The following DHDH variants were observed in gnomAD, a reference collection of about 807,000 sequenced individuals.
The protein encoded by DHDH is dihydrodiol dehydrogenase.
Under a neutral mutation model 33.2 loss-of-function variants are expected in DHDH, and 29 were observed. That is an observed-to-expected ratio of 0.87 (90% confidence interval 0.65 to 1.19). The LOEUF is 1.19. Ranked by LOEUF, DHDH falls within the 50% of genes most tolerant of loss-of-function variation. DHDH has a pLI of 0.00. For missense variants in DHDH, 431 were observed against 455.0 expected, an observed-to-expected ratio of 0.95 and a Z score of 0.48; for synonymous variants, 201 against 187.9, an observed-to-expected ratio of 1.07 and a Z score of -0.57.
At chr19:48,933,639 C>A (rs897130309), upstream of DHDH, 3 of 1,369,846 alleles carry the variant, frequency 2.2e-6, no homozygotes, top group Non-Finnish European at 3.1e-6. Flanking sequence ...AGGATGGGGA[C>A]CCGCCCCCGG....
At chr19:48,944,734 A>C in intron 6 of DHDH, 90 bp from the exon 7 acceptor site, 1 of 1,296,970 alleles carries the variant, frequency 7.7e-7, no homozygotes, top group Non-Finnish European at 1.1e-6. Flanking sequence ...TGAACCATGT[A>C]TATTGTGCCA....
rs138472311 is a variant in DHDH, at chr19:48,939,252, C to T, written c.367-197C>T. ...CCCAGGAGTTCGAGACCAGCCTGGGCGACATAGTGAGACCCTATCTCTATT... is the reference window on the plus strand; with the variant it reads ...CCCAGGAGTTCGAGACCAGCCTGGGTGACATAGTGAGACCCTATCTCTATT... On this transcript the variant is annotated intron_variant, in intron 3 of 6. Transcript: ENST00000221403. 4.6e-3 allele frequency among the ~76,000 whole-genome samples: 689 copies of T among 150,892 alleles called. 2 individuals are homozygous for T. Among genetic ancestry groups the T allele is most frequent in the Non-Finnish European group, 7.6e-3 (513 of 67,716 alleles).
chr19:48,935,125 G>T lies in DHDH; in HGVS notation c.202+14G>T, dbSNP rs1181675182. On this transcript the variant is annotated intron_variant, in intron 2 of 6. Coordinates refer to ENST00000221403, the MANE Select transcript of DHDH (RefSeq NM_014475.4). ...ACCCGAGCGTGGGTGAGTGGCGAGGGCGATGGGGGTGCTGGCCGCCGCCCC... is the reference window on the plus strand; with the variant it reads ...ACCCGAGCGTGGGTGAGTGGCGAGGTCGATGGGGGTGCTGGCCGCCGCCCC... 2 of 1,534,608 alleles carry T rather than the reference G, an allele frequency of 1.3e-6. No homozygotes were observed. Among genetic ancestry groups the T allele is most frequent in the East Asian group, 4.9e-5 (2 of 40,648 alleles).
intron 2 of DHDH, 36 bp downstream of exon 2, chr19:48,935,147 C>G (rs900906667): frequency 6.2e-5 from 93 of 1,493,044 alleles, no homozygotes; most frequent in Non-Finnish European, 8.2e-5. Context: ...CTGGCCGCCG[C>G]CCCTGGAGCG....
chr19:48,944,543 G>GT (rs1212983261), intron 6 of DHDH, 36 bp downstream of exon 6: 1 of 1,556,596 alleles, frequency 6.4e-7, no homozygotes, highest in Non-Finnish European at 8.7e-7. Context: ...GCCAGGCCTG[G>GT]TAGGGGGATG....
chr19:48,935,165 C>T (rs2037754407), intron 2 of DHDH, 54 bp downstream of exon 2: 1 of 1,409,510 alleles, frequency 7.1e-7, no homozygotes, highest in Non-Finnish European at 9.5e-7. Flanking sequence ...GCGGTGCCCC[C>T]TGGCTGCCCC....
chr19:48,936,176 G>A lies in DHDH; in HGVS notation c.347G>A (p.Arg116Gln), dbSNP rs758625590. The A allele has an allele frequency of 4.4e-6, 7 of 1,599,076 alleles. No individual in the cohort carries two copies. In the East Asian group the frequency reaches 9.0e-5, roughly 21 times the overall value. ...GAGATGGTCGCGGAGGCCCGATCCC[G>A]AGCCCTCTTCCTTATGGAGGTGAGG... ...VREMVAEARS[R>Q]ALFLMEAIWT... The change falls in exon 3 of 7, where the codon CGA (arginine) becomes CAA (glutamine). Residue 116 changes from arginine (R) to glutamine (Q), a missense_variant. Physicochemically the swap from Arg to Gln is conservative, Grantham distance 43. Transcript: ENST00000221403.
chr19:48,939,081 G>A (rs533548270), intron 3 of DHDH, among the ~76,000 whole-genome samples: 5 of 152,088 alleles, frequency 3.3e-5, no homozygotes, highest in African/African-American at 4.8e-5. Context: ...GGGCAGAAGC[G>A]AGAGGGAGAG....
intron 4 of DHDH, among the ~76,000 whole-genome samples, chr19:48,941,495 C>T (rs1013858075): frequency 2.0e-5 from 3 of 152,176 alleles, no homozygotes; most frequent in African/African-American, 4.8e-5. Context: ...GATTCTCCTC[C>T]GTAAGACCCC....
chr19:48,939,416 TG>T, intron 3 of DHDH, 32 bp from the exon 4 acceptor site: 1 of 1,595,688 alleles, frequency 6.3e-7, no homozygotes, highest in Non-Finnish European at 8.6e-7. Context: ...GGATTAGAAC[TG>T]GTTGGTTAAC....
intron 3 of DHDH, 72 bp downstream of exon 3, chr19:48,936,267 G>T: frequency 6.8e-7 from 1 of 1,476,726 alleles, no homozygotes; most frequent in Non-Finnish European, 9.0e-7. Flanking sequence ...CCAGTGCGCG[G>T]ACGGGGTCAG....
At chr19:48,944,719 C>T (rs2122288021) in intron 6 of DHDH, 105 bp from the exon 7 acceptor site, 14 of 1,220,034 alleles carry the variant, frequency 1.1e-5, no homozygotes, top group South Asian at 1.1e-4. Context: ...CAGCATCCAT[C>T]TGCCTGAACC....
chr19:48,935,094 C>T lies in DHDH; in HGVS notation c.185C>T (p.Ala62Val). 1 of 1,579,958 alleles carries T rather than the reference C, an allele frequency of 6.3e-7. No individual in the cohort carries two copies. The highest frequency in any genetic ancestry group is 8.6e-7 in the Non-Finnish European group (1 of 1,165,638). ...PKAYGSYEELAKDPSVEVAYI... is the reference protein window; with the variant it reads ...PKAYGSYEELVKDPSVEVAYI... ...GCCTACGGCTCCTATGAGGAGCTGG[C>T]CAAGGACCCGAGCGTGGGTGAGTGG... Residue 62 changes from alanine (A) to valine (V), a missense_variant, in exon 2 of 7, where the codon GCC becomes GTC. Ala to Val is a moderately conservative substitution (Grantham distance 64). Coordinates refer to ENST00000221403, the MANE Select transcript of DHDH (RefSeq NM_014475.4).
At chr19:48,942,046 C>T (rs2037870367) in intron 4 of DHDH, among the ~76,000 whole-genome samples, 3 of 150,370 alleles carry the variant, frequency 2.0e-5, no homozygotes, top group Non-Finnish European at 4.4e-5. Context: ...CTCGCTCTGT[C>T]GCCCAGGCTG....
chr19:48,941,408 A>G (rs2037858021), intron 4 of DHDH, among the ~76,000 whole-genome samples: 1 of 151,156 alleles, frequency 6.6e-6, no homozygotes, highest in South Asian at 2.1e-4. Context: ...TTTAGATAGT[A>G]TCTCACTTTG....
rs2122238508 is a variant in DHDH at position 48,933,796 on chromosome 19, T to A, written c.75T>A (p.Pro25=). 3 of 1,610,556 alleles carry A rather than the reference T, an allele frequency of 1.9e-6. No individual in the cohort carries two copies. Residue 25 remains proline (P), a synonymous_variant, in exon 1 of 7, where the codon CCT becomes CCA. Transcript: ENST00000221403. ...TCACAGCCGTGCTGCAGACGCTGCC[T>A]CGCTCTGAGCACCAGGTCTGCCCGC... ...SDFTAVLQTL[P]RSEHQVVAVA... is the part of the protein sequence containing the mutation.
At chr19:48,936,365 G>A (rs1241784710) in intron 3 of DHDH, among the ~76,000 whole-genome samples, 170 bp downstream of exon 3, 2 of 152,152 alleles carry the variant, frequency 1.3e-5, no homozygotes. Flanking sequence ...ACACGGCAAG[G>A]CTTACTGAAA....
chr19:48,944,370 G>A lies in DHDH; in HGVS notation c.758G>A (p.Cys253Tyr). ...TKGMVQLLNPCWCPTELVVKG... is the reference protein window; with the variant it reads ...TKGMVQLLNPYWCPTELVVKG... ...CTCTCCCTCCAGCTCCTCAACCCCT[G>A]CTGGTGCCCGACCGAGCTGGTGGTG... Residue 253 changes from cysteine to tyrosine, a missense_variant, in exon 6 of 7, where the codon TGC (cysteine) becomes TAC (tyrosine). Cys to Tyr is a radical substitution (Grantham distance 194). Transcript: ENST00000221403. 6.2e-7 allele frequency: 1 copy of A among 1,614,104 alleles called. No homozygotes were observed. Among genetic ancestry groups the A allele is most frequent in the Non-Finnish European group, 8.5e-7 (1 of 1,180,002 alleles).
In DHDH at chr19:48,939,562, C is replaced by T. The variant is rs148646797; in HGVS notation, c.480C>T (p.His160=). 3.1e-5 allele frequency: 50 copies of T among 1,613,296 alleles called. No homozygotes were observed. The African/African-American group carries it at 4.4e-4, about 14-fold the overall frequency. Reference sequence around the variant, plus strand: ...CAGAATTTGGGAAGAATCTCATCCACGTTCCCCGGGCCGTAGACCGGGCCC... The same window carrying T: ...CAGAATTTGGGAAGAATCTCATCCATGTTCCCCGGGCCGTAGACCGGGCCC... ...ARAEFGKNLI[H]VPRAVDRAQA... is the part of the protein sequence containing the mutation. Residue 160 remains histidine (H), a synonymous_variant, in exon 4 of 7, where the codon CAC becomes CAT. Transcript: ENST00000221403.
Sources: allele counts gnomAD v4.1 joint callset (sites outside exome capture counted in the v4.1 genomes callset), GRCh38; gene constraint gnomAD v4.1.1; transcripts MANE v1.5; gene names NCBI Gene and HGNC (gene_info 2026-07-23, HGNC 2026-07-21).